CARS2: variants seen among roughly 807,000 people sequenced by gnomAD.
The protein encoded by CARS2 is cysteinyl-tRNA synthetase 2, mitochondrial, also known as probable cysteine--tRNA ligase, mitochondrial.
A neutral mutation model predicts 68.8 loss-of-function variants in CARS2; 52 were observed. The observed-to-expected ratio is 0.76, with a 90% CI of 0.61 to 0.95. The LOEUF (loss-of-function observed/expected upper bound fraction) is 0.95, where lower values mean the gene tolerates loss of function less well. Among genes scored for constraint, CARS2 ranks in the 40% least tolerant of loss-of-function variants. CARS2 has a pLI of 0.00. For synonymous variants in CARS2, 314 were observed against 303.6 expected, an observed-to-expected ratio of 1.03 and a Z score of -0.36; for missense variants, 780 against 754.2, an observed-to-expected ratio of 1.03 and a Z score of -0.40.
chr13:110,641,863 C>G (rs1039800044), intron 14 of CARS2, among the ~76,000 whole-genome samples: 3 of 152,210 alleles, frequency 2.0e-5, no homozygotes, highest in African/African-American at 7.2e-5. Context: ...TGGCCCCTCC[C>G]TCACGGCCCT....
chr13:110,645,264 C>T (rs61970542), intron 12 of CARS2: 16,085 of 152,588 alleles, frequency 0.11, 923 homozygotes, highest in Middle Eastern at 0.16. Context: ...GCCCCACCTG[C>T]TGGTGCTCTG....
At chr13:110,698,005 T>C (rs1426175418) in intron 3 of CARS2, 1 of 455,388 alleles carries the variant, frequency 2.2e-6, no homozygotes, top group Non-Finnish European at 4.4e-6. Context: ...ACTCAACAAA[T>C]GACAAAGTTC....
rs572589246 is a variant in CARS2 at position 110,694,524 on chromosome 13, G to C, written c.394-6506C>G. On this transcript the variant is annotated intron_variant, in intron 3 of 14. Coordinates refer to ENST00000257347, the MANE Select transcript of CARS2 (RefSeq NM_024537.4). Reference sequence around the variant, plus strand: ...TAGTGGTGTACGCCTGTAGTCCCAGGTACTCGGGAGGCTGAGGCAGGAAAA... The same window carrying C: ...TAGTGGTGTACGCCTGTAGTCCCAGCTACTCGGGAGGCTGAGGCAGGAAAA... Among the ~76,000 whole-genome samples, 77 of 151,862 alleles carry C rather than the reference G, an allele frequency of 5.1e-4. 1 individual carries two copies. Among genetic ancestry groups the C allele is most frequent in the Non-Finnish European group, 2.1e-4 (14 of 67,978 alleles).
At chr13:110,701,179 T>C (rs988528076) in intron 3 of CARS2, among the ~76,000 whole-genome samples, 1 of 152,172 alleles carries the variant, frequency 6.6e-6, no homozygotes, top group Non-Finnish European at 1.5e-5. Flanking sequence ...TTCTCCTGCC[T>C]GAGCCTCCTG....
At chr13:110,673,602 A>G (rs528173564) in intron 7 of CARS2, among the ~76,000 whole-genome samples, 4,964 of 152,254 alleles carry the variant, frequency 0.033, 289 homozygotes, top group African/African-American at 0.11. Flanking sequence ...CCCACAGCCA[A>G]TATCATACTG....
At chr13:110,713,027 G>T (rs1397629151) in intron 1 of CARS2, 5 of 1,495,560 alleles carry the variant, frequency 3.3e-6, no homozygotes, top group African/African-American at 1.4e-5. Flanking sequence ...CACCGAGAGG[G>T]TGCCAGTGCG....
chr13:110,690,537 C>T (rs79644212), intron 3 of CARS2, among the ~76,000 whole-genome samples: 4 of 152,328 alleles, frequency 2.6e-5, no homozygotes, highest in Non-Finnish European at 5.9e-5. Context: ...TGAGCTGCCT[C>T]GCTCCTTTCA....
At chr13:110,701,704 C>T (rs1215405619) in intron 2 of CARS2, 149 bp from the exon 3 acceptor site, 1 of 569,330 alleles carries the variant, frequency 1.8e-6, no homozygotes, top group African/African-American at 1.9e-5. Context: ...AGGAAACTCC[C>T]TCTCACTGAT....
chr13:110,646,521 G>A (rs1458014573), intron 11 of CARS2: 4 of 170,588 alleles, frequency 2.3e-5, no homozygotes, highest in Non-Finnish European at 5.0e-5. Context: ...GAAGTGGCAG[G>A]GGTGGGTTAT....
chr13:110,659,281 T>A (rs1187441784), intron 9 of CARS2, among the ~76,000 whole-genome samples: 4 of 151,792 alleles, frequency 2.6e-5, no homozygotes, highest in Non-Finnish European at 2.9e-5. Flanking sequence ...AACAAGCAGA[T>A]GCAGGAAATG....
At chr13:110,650,056 C>G (rs1289299946) in intron 10 of CARS2, among the ~76,000 whole-genome samples, 5 of 151,522 alleles carry the variant, frequency 3.3e-5, no homozygotes, top group Admixed American at 3.3e-4. Context: ...CCTGCCTCAG[C>G]CTCCTGAGTA....
chr13:110,702,616 G>T (rs1311908446), intron 2 of CARS2, among the ~76,000 whole-genome samples: 1 of 152,172 alleles, frequency 6.6e-6, no homozygotes, highest in African/African-American at 2.4e-5. Context: ...TGGCCCAGAG[G>T]AGCCCAGGCT....
chr13:110,695,852 C>T (rs992319892), intron 3 of CARS2, among the ~76,000 whole-genome samples: 9 of 150,994 alleles, frequency 6.0e-5, no homozygotes, highest in Non-Finnish European at 1.3e-4. Flanking sequence ...CAGGTATACA[C>T]GTGCCATGGT....
intron 5 of CARS2, among the ~76,000 whole-genome samples, chr13:110,685,469 G>T (rs1192045129): frequency 6.6e-6 from 1 of 152,230 alleles, no homozygotes; most frequent in Non-Finnish European, 1.5e-5. Flanking sequence ...GGAACGTCCA[G>T]GGCAGTGCTT....
chr13:110,705,214 A>T lies in CARS2; in HGVS notation c.275+307T>A, dbSNP rs2063904594. 6.6e-6 allele frequency among the ~76,000 whole-genome samples: 1 copy of T among 152,194 alleles called. No homozygotes were observed. Among genetic ancestry groups the T allele is most frequent in the Non-Finnish European group, 1.5e-5 (1 of 68,034 alleles). ...TGGTGGGGCCCAGGAATGACTGATC[A>T]GCAGGACCCCGGGACCCCGCAAAGG... On this transcript the variant is annotated intron_variant, in intron 2 of 14. Coordinates refer to ENST00000257347, the MANE Select transcript of CARS2 (RefSeq NM_024537.4). The surrounding 1 kb of genome is among the most constrained non-coding windows in gnomAD (Gnocchi z 4.0).
intron 6 of CARS2, among the ~76,000 whole-genome samples, chr13:110,679,599 G>GAGAGAGAAAGAAAGAAAGAAAGAA (rs1566712534): frequency 2.5e-5 from 1 of 40,078 alleles, no homozygotes; most frequent in African/African-American, 6.7e-5. Flanking sequence ...AAGAAAGAAA[G>GAGAGAGAAAGAAAGAAAGAAAGAA]AGAGAGAGAG....
intron 7 of CARS2, among the ~76,000 whole-genome samples, chr13:110,674,569 A>G (rs138231334): frequency 8.3e-4 from 126 of 152,322 alleles, no homozygotes; most frequent in African/African-American, 2.9e-3. Flanking sequence ...AAGATGGATT[A>G]AAGACTGAAA....
At position 110,706,108 on chromosome 13, in the gene CARS2, C is replaced by A; in HGVS notation, c.-15G>T. The A allele has an allele frequency of 1.5e-6, 2 of 1,302,922 alleles. No homozygotes were observed. Among genetic ancestry groups the A allele is most frequent in the Non-Finnish European group, 9.7e-7 (1 of 1,029,430 alleles). The allele number at this position is 1,302,922 out of a possible 1,614,324, so 80.7% of individuals were successfully genotyped here. A position where few individuals can be genotyped will look rare whatever the true frequency, so the allele number is the denominator to read the frequency against. On this transcript the variant is annotated 5_prime_UTR_variant, in exon 1 of 15. Coordinates refer to ENST00000257347, the MANE Select transcript of CARS2 (RefSeq NM_024537.4). ...GTCCTCAACATGTCAGCGGCCAGCG[C>A]CTACGACTGGGCGGAGACGGGAGCC...
intron 7 of CARS2, among the ~76,000 whole-genome samples, chr13:110,671,564 G>A (rs1196627094): frequency 6.6e-6 from 1 of 152,180 alleles, no homozygotes; most frequent in East Asian, 1.9e-4. Context: ...CCTGAAGGAA[G>A]CACTAAACAT....
Sources: gnomAD v4.1 joint callset for allele counts (sites outside exome capture counted in the v4.1 genomes callset) on GRCh38, gnomAD v4.1.1 for gene constraint, Gnocchi (gnomAD v3.1) non-coding constraint, MANE v1.5 for transcripts, NCBI Gene and HGNC (gene_info 2026-07-23, HGNC 2026-07-21) for gene names.